MGAM2: variants seen among roughly 807,000 people sequenced by gnomAD.
MGAM2 encodes maltase-glucoamylase 2 (putative), also known as probable maltase-glucoamylase 2.
A neutral mutation model predicts 96.1 loss-of-function variants in MGAM2; 98 were observed. The ratio of observed to expected loss-of-function variants is 1.02; its 90% CI spans 0.87 to 1.21. The LOEUF (loss-of-function observed/expected upper bound fraction) is 1.21. MGAM2 is among the 50% of genes most tolerant of loss of function. The pLI, the probability that MGAM2 is intolerant of heterozygous loss-of-function variation, is 0.00. For missense variants in MGAM2, 2,055 were observed against 1,182.4 expected (o/e 1.74, Z -10.82); for synonymous variants, 749 against 414.8 (o/e 1.81, Z -9.79).
In MGAM2 at chr7:142,154,793, A is replaced by G; in HGVS notation, c.1871A>G (p.Gln624Arg). 1 of 703,620 alleles carries G rather than the reference A, an allele frequency of 1.4e-6. No individual in the cohort carries two copies. The highest frequency in any genetic ancestry group is 2.7e-5 in the East Asian group (1 of 37,292). The allele number at this position is 703,620 out of a possible 1,614,324, so 43.6% of individuals were successfully genotyped here. A position where few individuals can be genotyped will look rare whatever the true frequency, so the allele number is the denominator to read the frequency against. The change falls in exon 17 of 48, where the codon CAG becomes CGG. Residue 624 changes from glutamine (Q) to arginine (R), a missense_variant. Transcript: ENST00000477922. The part of the protein sequence containing the change: ...VTEELCRRWM[Q>R]LGAFYPLPRN... Reference sequence around the variant, plus strand: ...GAGGAGCTCTGCAGAAGGTGGATGCAGCTTGGAGCATTTTATCCACTACCA... The same window carrying G: ...GAGGAGCTCTGCAGAAGGTGGATGCGGCTTGGAGCATTTTATCCACTACCA...
At chr7:142,155,316 C>T (rs1001582756) in intron 17 of MGAM2, among the ~76,000 whole-genome samples, 1 of 152,184 alleles carries the variant, frequency 6.6e-6, no homozygotes, top group Admixed American at 6.5e-5. Flanking sequence ...AACTACTTCT[C>T]ATGACTCATT....
intron 7 of MGAM2, among the ~76,000 whole-genome samples, chr7:142,136,110 C>T (rs1438689824): frequency 6.6e-6 from 1 of 152,056 alleles, no homozygotes; most frequent in African/African-American, 2.4e-5. Context: ...TTGACATCAC[C>T]GCAATAGGAT....
At chr7:142,130,580 C>T (rs774137090) in intron 3 of MGAM2, among the ~76,000 whole-genome samples, 13 of 152,216 alleles carry the variant, frequency 8.5e-5, no homozygotes, top group Non-Finnish European at 1.8e-4. Flanking sequence ...CCCCACTCCA[C>T]GCCTACTAGG....
chr7:142,143,748 CT>C lies in MGAM2; in HGVS notation c.1318-20del. On this transcript the variant is annotated intron_variant, in intron 12 of 47. Transcript: ENST00000477922. ...AAACCTTCAACCAAGCTGATTGCCA[CT>C]GCCTTCCTCTGTGTCCTAGGGATAT... 1 of 566,070 alleles carries C rather than the reference CT, an allele frequency of 1.8e-6. No individual in the cohort carries two copies. The highest frequency in any genetic ancestry group is 3.3e-6 in the Non-Finnish European group (1 of 306,498). The allele number at this position is 566,070 out of a possible 1,614,324, so 35.1% of individuals were successfully genotyped here.
chr7:142,160,866 C>T (rs1469721991), intron 21 of MGAM2, among the ~76,000 whole-genome samples: 1 of 150,862 alleles, frequency 6.6e-6, no homozygotes, highest in Non-Finnish European at 1.5e-5. Context: ...CCTAATGAGG[C>T]TAATTGTTGG....
At chr7:142,171,066 A>T in intron 27 of MGAM2, 1 of 600,186 alleles carries the variant, frequency 1.7e-6, no homozygotes, top group Non-Finnish European at 3.0e-6. Context: ...TCTCAGTCTG[A>T]CAAACCACAG....
intron 4 of MGAM2, among the ~76,000 whole-genome samples, 191 bp downstream of exon 4, chr7:142,131,262 AC>A (rs1336379918): frequency 1.3e-5 from 2 of 151,990 alleles, no homozygotes; most frequent in Non-Finnish European, 2.9e-5. Context: ...ATGTGGTGAA[AC>A]CCCGTCTCTA....
At chr7:142,152,726 G>A (rs1795615998) in intron 15 of MGAM2, among the ~76,000 whole-genome samples, 1 of 152,172 alleles carries the variant, frequency 6.6e-6, no homozygotes, top group African/African-American at 2.4e-5. Context: ...GGCAGAAACT[G>A]TGGCGTGGCT....
intron 32 of MGAM2, among the ~76,000 whole-genome samples, chr7:142,180,136 G>C (rs1015225247): frequency 6.6e-6 from 1 of 151,992 alleles, no homozygotes; most frequent in African/African-American, 2.4e-5. Context: ...TTTCTAGTTT[G>C]TGTGCATAGA....
intron 46 of MGAM2, among the ~76,000 whole-genome samples, chr7:142,212,065 C>T (rs1022528552): frequency 6.6e-6 from 1 of 152,178 alleles, no homozygotes; most frequent in Non-Finnish European, 1.5e-5. Flanking sequence ...GAATTTTCAA[C>T]CCAGAATTTC....
intron 41 of MGAM2, 40 bp from the exon 42 acceptor site, chr7:142,197,604 A>G (rs1214442506): frequency 1.4e-6 from 1 of 703,094 alleles, no homozygotes; most frequent in South Asian, 1.5e-5. Flanking sequence ...TGTAGCAGTC[A>G]TAAGAGGATA....
rs1341635513 is a variant in MGAM2 at position 142,137,419 on chromosome 7, T to C, written c.848-14T>C. 7 of 687,880 alleles carry C rather than the reference T, an allele frequency of 1.0e-5. No homozygotes were observed. The highest frequency in any genetic ancestry group is 1.9e-5 in the Non-Finnish European group (7 of 378,188). 42.6% of individuals were successfully genotyped at this position (687,880 alleles called of 1,614,324 possible). A position where few individuals can be genotyped will look rare whatever the true frequency, so the allele number is the denominator to read the frequency against. ...ACCATAAGATTCTAATTAATCTCAT[T>C]ATAATTTTTTCAGAGGTTACCCTTC... is the stretch of plus-strand genomic sequence containing the variant. On this transcript the variant is annotated splice_polypyrimidine_tract_variant and intron_variant, in intron 8 of 47. Transcript: ENST00000477922.
chr7:142,201,728 T>C (rs1797240998), intron 45 of MGAM2, among the ~76,000 whole-genome samples: 1 of 152,230 alleles, frequency 6.6e-6, no homozygotes, highest in Middle Eastern at 3.2e-3. Flanking sequence ...CAATACAGGA[T>C]ACCAATGATT....
At chr7:142,179,452 C>T (rs1796473935) in intron 32 of MGAM2, among the ~76,000 whole-genome samples, 1 of 152,150 alleles carries the variant, frequency 6.6e-6, no homozygotes, top group African/African-American at 2.4e-5. Flanking sequence ...AAGAAGAATG[C>T]TTCCAGCTTT....
chr7:142,182,716 G>T (rs1292926864), intron 32 of MGAM2, among the ~76,000 whole-genome samples: 1 of 152,174 alleles, frequency 6.6e-6, no homozygotes, highest in Non-Finnish European at 1.5e-5. Flanking sequence ...TCAGTGCCAG[G>T]AGCTGGTCCC....
intron 3 of MGAM2, among the ~76,000 whole-genome samples, chr7:142,122,167 TG>T (rs1488268598): frequency 6.6e-6 from 1 of 152,214 alleles, no homozygotes; most frequent in Non-Finnish European, 1.5e-5. Context: ...TATTTTACTT[TG>T]CCTTCTCGTA....
chr7:142,218,670 T>TA (rs1585230883), intron 47 of MGAM2, 139 bp downstream of exon 47: 1 of 577,890 alleles, frequency 1.7e-6, no homozygotes. Context: ...GTGCAATAGA[T>TA]ATGTTCCTGA....
At position 142,172,723 on chromosome 7, in the gene MGAM2, T is replaced by A. The variant is rs73547325; in HGVS notation, c.3520T>A (p.Leu1174Met). The A allele has an allele frequency of 0.088, 62,013 of 704,044 alleles. 3,263 individuals are homozygous for A. Among genetic ancestry groups the A allele is most frequent in the African/African-American group, 0.15 (8,539 of 57,404 alleles). The allele number at this position is 704,044 out of a possible 1,614,324, so 43.6% of individuals were successfully genotyped here. Residue 1174 changes from leucine to methionine, a missense_variant, in exon 30 of 48, where the codon TTG (leucine) becomes ATG (methionine). Leu to Met is a conservative substitution (Grantham distance 15). Transcript: ENST00000477922. ...AGGGATTTTGGACTTCTACATTGTTTTGGGGCCAACCCCTGAACTTGTAAC... is the reference window on the plus strand; with the variant it reads ...AGGGATTTTGGACTTCTACATTGTTATGGGGCCAACCCCTGAACTTGTAAC... Reference protein sequence around the residue: ...TGGILDFYIVLGPTPELVTQQ... With the variant: ...TGGILDFYIVMGPTPELVTQQ...
At chr7:142,151,296 A>G (rs1795572975) in intron 15 of MGAM2, among the ~76,000 whole-genome samples, 1 of 152,176 alleles carries the variant, frequency 6.6e-6, no homozygotes, top group African/African-American at 2.4e-5. Flanking sequence ...ATTTTCCAGC[A>G]CTATTTTGTC....
Sources: gnomAD v4.1 joint callset for allele counts (sites outside exome capture counted in the v4.1 genomes callset) on GRCh38, gnomAD v4.1.1 for gene constraint, MANE v1.5 for transcripts, NCBI Gene and HGNC (gene_info 2026-07-23, HGNC 2026-07-21) for gene names.